The following SWI5 variants were observed in gnomAD, a reference collection of about 807,000 sequenced individuals.
SWI5 encodes the protein SWI5 homologous recombination repair protein.
SWI5 carries 12 observed loss-of-function variants against 17.0 expected under a neutral mutation model. That is an observed-to-expected ratio of 0.71 (90% CI 0.45 to 1.14). SWI5 has a LOEUF of 1.14. Ranked by LOEUF, SWI5 falls within the 50% of genes most tolerant of loss-of-function variation. The pLI is 0.00. For synonymous variants in SWI5, 61 were observed against 64.0 expected (o/e 0.95, Z 0.22); for missense variants, 158 against 162.2 (o/e 0.97, Z 0.14).
chr9:128,288,314 C>T (rs796921779), intron 4 of SWI5, among the ~76,000 whole-genome samples: 13 of 152,318 alleles, frequency 8.5e-5, no homozygotes, highest in African/African-American at 3.1e-4. Flanking sequence ...GCAGATGAAT[C>T]CAGCAGCTCT....
chr9:128,275,367 T>C (rs1056871308), upstream of SWI5: 1 of 1,271,810 alleles, frequency 7.9e-7, no homozygotes, highest in Non-Finnish European at 1.0e-6. Context: ...ATTCCACTCC[T>C]AGGGGGAACA....
intron 2 of SWI5, among the ~76,000 whole-genome samples, chr9:128,283,712 T>A (rs1831582858): frequency 1.3e-5 from 2 of 152,204 alleles, no homozygotes. Flanking sequence ...ACATCTTCAG[T>A]GTATGACTTG....
chr9:128,284,956 TAAAAAAAA>T (rs570065202), intron 3 of SWI5, among the ~76,000 whole-genome samples: 18 of 84,974 alleles, frequency 2.1e-4, no homozygotes, highest in South Asian at 4.2e-4. Flanking sequence ...AATCTGTCTT[TAAAAAAAA>T]AAAAAAAAAA....
exon 1 of SWI5, chr9:128,276,367 C>G (rs1831375415): frequency 6.2e-7 from 1 of 1,613,268 alleles, no homozygotes. Context: ...CATTGAACCC[C>G]CTGATCCGGG....
upstream of SWI5, among the ~76,000 whole-genome samples, chr9:128,275,724 G>T (rs1831300454): frequency 6.6e-6 from 1 of 152,188 alleles, no homozygotes; most frequent in South Asian, 2.1e-4. Context: ...CGGGGGCTGG[G>T]CGGCTGAGGG....
chr9:128,288,974 C>T (rs769145521), exon 5 of SWI5: 1 of 540,424 alleles, frequency 1.9e-6, no homozygotes, highest in Non-Finnish European at 3.3e-6. Context: ...TGTCAATAAA[C>T]GTATCTGTAC....
At chr9:128,278,563 C>CA (rs545111384) in intron 2 of SWI5, 44,363 of 381,972 alleles carry the variant, frequency 0.12, 316 homozygotes, top group East Asian at 0.15. Flanking sequence ...AACTCCATCT[C>CA]AAAAAAAAAA....
At chr9:128,281,257 C>T (rs1831534421) in intron 2 of SWI5, among the ~76,000 whole-genome samples, 1 of 151,550 alleles carries the variant, frequency 6.6e-6, no homozygotes, top group Admixed American at 6.6e-5. Flanking sequence ...AGGCTGGTCT[C>T]GAACTACTGA....
At chr9:128,288,928 G>T in exon 5 of SWI5, 3 of 594,972 alleles carry the variant, frequency 5.0e-6, no homozygotes, top group Non-Finnish European at 9.0e-6. Flanking sequence ...CTGAAATGTC[G>T]CAGTGATACT....
At chr9:128,276,362 A>G (rs1831374612) in exon 1 of SWI5, 4 of 1,613,112 alleles carry the variant, frequency 2.5e-6, no homozygotes, top group Non-Finnish European at 3.4e-6. Flanking sequence ...TGCGCCATTG[A>G]ACCCCCTGAT....
intron 2 of SWI5, among the ~76,000 whole-genome samples, chr9:128,280,256 C>T (rs1316435274): frequency 6.6e-6 from 1 of 152,068 alleles, no homozygotes; most frequent in East Asian, 1.9e-4. Flanking sequence ...ACTCCCACTC[C>T]CTCAGCCCAC....
chr9:128,275,729 T>C (rs1000666890), upstream of SWI5, among the ~76,000 whole-genome samples: 1 of 150,932 alleles, frequency 6.6e-6, no homozygotes, highest in African/African-American at 2.4e-5. Context: ...GCTGGGCGGC[T>C]GAGGGGGCGG....
At chr9:128,287,463 A>G (rs1831662330) in intron 4 of SWI5, among the ~76,000 whole-genome samples, 2 of 151,482 alleles carry the variant, frequency 1.3e-5, no homozygotes, top group South Asian at 2.1e-4. Context: ...AAAAAAAAAA[A>G]AAAGAAAGAA....
At chr9:128,279,817 G>T (rs895990831) in intron 2 of SWI5, among the ~76,000 whole-genome samples, 1 of 152,108 alleles carries the variant, frequency 6.6e-6, no homozygotes, top group Non-Finnish European at 1.5e-5. Context: ...TCCCTTTCAC[G>T]GTCTGCTAGG....
At chr9:128,284,870 C>T (rs919934427) in intron 3 of SWI5, among the ~76,000 whole-genome samples, 3 of 149,724 alleles carry the variant, frequency 2.0e-5, no homozygotes, top group Non-Finnish European at 3.0e-5. Flanking sequence ...GCAGAAGAAT[C>T]GCTTAAACCT....
At chr9:128,283,699 A>G (rs1831582819) in intron 2 of SWI5, among the ~76,000 whole-genome samples, 1 of 152,316 alleles carries the variant, frequency 6.6e-6, no homozygotes, top group South Asian at 2.1e-4. Context: ...ATCTGGTTCC[A>G]CCACATCTTC....
At chr9:128,283,230 G>A (rs1831573491) in intron 2 of SWI5, among the ~76,000 whole-genome samples, 3 of 152,226 alleles carry the variant, frequency 2.0e-5, no homozygotes, top group African/African-American at 7.2e-5. Flanking sequence ...GCTGAGGCAG[G>A]AGAATTGCTT....
chr9:128,281,475 T>C (rs909447471), intron 2 of SWI5, among the ~76,000 whole-genome samples: 1 of 152,226 alleles, frequency 6.6e-6, no homozygotes, highest in Non-Finnish European at 1.5e-5. Context: ...AAAATTTAGC[T>C]TCCTCGGAGA....
chr9:128,285,257 G>A lies in SWI5; in HGVS notation c.233+626G>A, dbSNP rs1831618170. ...GAAGGGAAAGAAGGAAAGGGGGGAA[G>A]GAAAGGGAAGGAAGGAAGGGAAAGG... On this transcript the variant is annotated intron_variant, in intron 3 of 4. Coordinates refer to ENST00000418976, the Ensembl canonical transcript of SWI5. This position sits in a 1 kb window ranked among gnomAD's most constrained non-coding sequence, Gnocchi z 4.8. Among the ~76,000 whole-genome samples, 1 of 146,862 alleles carries A rather than the reference G, an allele frequency of 6.8e-6. No individual in the cohort carries two copies. Among genetic ancestry groups the A allele is most frequent in the African/African-American group, 2.5e-5 (1 of 40,256 alleles).
Sources: gnomAD v4.1 joint callset for allele counts (sites outside exome capture counted in the v4.1 genomes callset) on GRCh38, gnomAD v4.1.1 for gene constraint, Gnocchi (gnomAD v3.1) non-coding constraint, MANE v1.5 for transcripts, NCBI Gene and HGNC (gene_info 2026-07-23, HGNC 2026-07-21) for gene names.